Variants in DAB1 observed in about 807,000 individuals in gnomAD.
DAB1 encodes DAB adaptor protein 1, also known as disabled homolog 1.
Under a neutral mutation model 64.6 loss-of-function variants are expected in DAB1, and 15 were observed. That is an observed-to-expected ratio of 0.23 (90% CI 0.16 to 0.36). The LOEUF is 0.36. Among genes scored for constraint, DAB1 ranks in the 10% least tolerant of loss-of-function variants. The probability of loss-of-function intolerance (pLI) is 1.00; values close to 1 mark genes in which losing one functional copy is unlikely to be tolerated. For synonymous variants in DAB1, 235 were observed against 251.9 expected, an observed-to-expected ratio of 0.93 and a Z score of 0.64; for missense variants, 596 against 706.7, an observed-to-expected ratio of 0.84 and a Z score of 1.78.
intron 5 of DAB1, among the ~76,000 whole-genome samples, chr1:57,900,641 C>T (rs1644459505): frequency 1.3e-5 from 2 of 152,156 alleles, no homozygotes; most frequent in South Asian, 2.1e-4. Context: ...AGACCTTTGT[C>T]CATGTGGCCA....
intron 9 of DAB1, among the ~76,000 whole-genome samples, chr1:57,050,907 G>C (rs115879143): frequency 3.9e-5 from 6 of 152,126 alleles, no homozygotes; most frequent in Non-Finnish European, 8.8e-5. Context: ...AATAGAATAA[G>C]GGTTTCTAGC....
chr1:57,634,714 T>A (rs562766130), intron 7 of DAB1, among the ~76,000 whole-genome samples: 1 of 152,312 alleles, frequency 6.6e-6, no homozygotes, highest in Admixed American at 6.5e-5. Context: ...AATATCCTTG[T>A]AAACAAAAAG....
intron 13 of DAB1, 109 bp from the exon 14 acceptor site, chr1:57,010,899 G>T (rs1240410823): frequency 7.6e-6 from 7 of 926,410 alleles, no homozygotes; most frequent in South Asian, 1.9e-5. Flanking sequence ...GTAAAGGAGG[G>T]TGCAACGGCA....
At chr1:57,626,394 G>A (rs1231186989) in intron 7 of DAB1, among the ~76,000 whole-genome samples, 2 of 152,188 alleles carry the variant, frequency 1.3e-5, no homozygotes, top group African/African-American at 2.4e-5. Context: ...CACAGAGGAT[G>A]GTTGTGGTAA....
intron 4 of DAB1, among the ~76,000 whole-genome samples, chr1:58,301,010 T>C (rs1205605315): frequency 6.6e-6 from 1 of 152,034 alleles, no homozygotes; most frequent in Non-Finnish European, 1.5e-5. Flanking sequence ...TTTTCTAATT[T>C]GCACAAAGGT....
chr1:57,093,244 G>A (rs1259649628), intron 4 of DAB1, among the ~76,000 whole-genome samples: 1 of 152,170 alleles, frequency 6.6e-6, no homozygotes, highest in Admixed American at 6.5e-5. Context: ...TATGTCCAAG[G>A]TTAAAAATCT....
intron 5 of DAB1, among the ~76,000 whole-genome samples, chr1:57,927,738 C>A (rs916300613): frequency 2.6e-5 from 4 of 152,112 alleles, no homozygotes; most frequent in African/African-American, 7.2e-5. Context: ...ACAATGCATA[C>A]CTTTCAGGCT....
At chr1:57,334,827 G>C (rs533891268) in intron 1 of DAB1, among the ~76,000 whole-genome samples, 1 of 152,260 alleles carries the variant, frequency 6.6e-6, no homozygotes, top group East Asian at 1.9e-4. Flanking sequence ...AGTAGAGCTG[G>C]GCTTCAACAG....
chr1:57,441,298 CT>C (rs1300582174), intron 7 of DAB1, among the ~76,000 whole-genome samples: 16,881 of 60,444 alleles, frequency 0.28, 1,154 homozygotes, highest in Non-Finnish European at 0.35. Flanking sequence ...TTCTTTCTTT[CT>C]TTCTTTCTTT....
chr1:57,119,460 T>C (rs17420216), intron 4 of DAB1, among the ~76,000 whole-genome samples: 1,980 of 152,262 alleles, frequency 0.013, 31 homozygotes, highest in Admixed American at 0.052. Flanking sequence ...GACCACTTTA[T>C]CAATTACCCT....
At chr1:58,301,500 T>A (rs2100463334) in intron 4 of DAB1, among the ~76,000 whole-genome samples, 1 of 152,236 alleles carries the variant, frequency 6.6e-6, no homozygotes, top group East Asian at 1.9e-4. Flanking sequence ...GCGAATTTTT[T>A]TTTTAGCTCA....
chr1:58,073,244 G>C (rs536877764), intron 5 of DAB1, among the ~76,000 whole-genome samples: 2 of 152,230 alleles, frequency 1.3e-5, no homozygotes, highest in East Asian at 3.9e-4. Context: ...CACACATACT[G>C]TGTTGTCTGT....
intron 3 of DAB1, among the ~76,000 whole-genome samples, chr1:58,469,204 T>C (rs576036859): frequency 6.6e-6 from 1 of 152,296 alleles, no homozygotes; most frequent in South Asian, 2.1e-4. Flanking sequence ...TGGTAAGGCT[T>C]TGGAATCACA....
At chr1:57,059,443 T>A (rs2100557843) in intron 9 of DAB1, among the ~76,000 whole-genome samples, 1 of 152,274 alleles carries the variant, frequency 6.6e-6, no homozygotes, top group African/African-American at 2.4e-5. Context: ...GTCTTACGAC[T>A]TTCTGGAAGC....
Position 56,996,458 on chromosome 1 carries a change from A to T in DAB1, c.*1686T>A, listed in dbSNP as rs1645619723. The T allele has an allele frequency of 6.6e-6, 1 of 152,202 alleles. No individual in the cohort carries two copies. The highest frequency in any genetic ancestry group is 1.5e-5 in the Non-Finnish European group (1 of 68,044). The allele number at this position is 152,202 out of a possible 1,614,324, so 9.4% of individuals were successfully genotyped here. A position where few individuals can be genotyped will look rare whatever the true frequency, so the allele number is the denominator to read the frequency against. Reference sequence around the variant, plus strand: ...TGAAAATCATGTGCTAAACATACGAACCAAACACTGCACTTTTTGTCTCAT... The same window carrying T: ...TGAAAATCATGTGCTAAACATACGATCCAAACACTGCACTTTTTGTCTCAT... On this transcript the variant is annotated 3_prime_UTR_variant, in exon 15 of 15. Coordinates refer to ENST00000371236, the MANE Select transcript of DAB1 (RefSeq NM_001365792.1).
chr1:57,709,745 C>CTA (rs1647006062), intron 6 of DAB1, among the ~76,000 whole-genome samples: 1 of 152,114 alleles, frequency 6.6e-6, no homozygotes, highest in Admixed American at 6.6e-5. Context: ...ATTTGCATAG[C>CTA]ATGTGAAAAT....
At chr1:58,064,894 T>G (rs1390423948) in intron 5 of DAB1, among the ~76,000 whole-genome samples, 1 of 151,832 alleles carries the variant, frequency 6.6e-6, no homozygotes, top group Non-Finnish European at 1.5e-5. Context: ...GGCTAATTTT[T>G]TGTATTTTTA....
chr1:57,076,077 T>G (rs534907358), intron 4 of DAB1, among the ~76,000 whole-genome samples: 5 of 152,262 alleles, frequency 3.3e-5, no homozygotes, highest in African/African-American at 1.2e-4. Context: ...TGAAGTTTAC[T>G]CTCAGGAATT....
At chr1:57,093,613 A>G (rs936605276) in intron 4 of DAB1, among the ~76,000 whole-genome samples, 18 of 152,218 alleles carry the variant, frequency 1.2e-4, no homozygotes, top group Admixed American at 3.9e-4. Context: ...TAGGCTTATA[A>G]TAAGCTTCCA....
Sources: gnomAD v4.1 joint callset for allele counts (sites outside exome capture counted in the v4.1 genomes callset) on GRCh38, gnomAD v4.1.1 for gene constraint, MANE v1.5 for transcripts, NCBI Gene and HGNC (gene_info 2026-07-23, HGNC 2026-07-21) for gene names.